TNIP3: variants seen among roughly 807,000 people sequenced by gnomAD.
TNIP3 encodes TNFAIP3 interacting protein 3, also known as TNFAIP3-interacting protein 3.
TNIP3 carries 34 observed loss-of-function variants against 54.1 expected under a neutral mutation model. The observed-to-expected ratio is 0.63, with a 90% CI of 0.48 to 0.84. The LOEUF (loss-of-function observed/expected upper bound fraction) is 0.84, where lower values mean the gene tolerates loss of function less well. TNIP3 is among the 40% of genes least tolerant of loss of function. The pLI, the probability that TNIP3 is intolerant of heterozygous loss-of-function variation, is 0.00. For missense variants in TNIP3, 366 were observed against 387.6 expected, an observed-to-expected ratio of 0.94 and a Z score of 0.47; for synonymous variants, 134 against 136.8, an observed-to-expected ratio of 0.98 and a Z score of 0.14.
In TNIP3 at chr4:121,164,084, T is replaced by C. The variant is rs1280801359; in HGVS notation, c.42A>G (p.Ala14=). Residue 14 remains alanine, a synonymous_variant, in exon 1 of 11, where the codon GCA becomes GCG. Coordinates refer to ENST00000057513, the MANE Select transcript of TNIP3 (RefSeq NM_024873.6). ...FVQGTSRMIA[A]ESSTEHKECA... ...CCTCTTTATGCTCCGTAGAACTTTC[T>C]GCGGCAATCATTCTAGATGTGCCCT... 2 of 1,613,692 alleles carry C rather than the reference T, an allele frequency of 1.2e-6. No homozygotes were observed. The highest frequency in any genetic ancestry group is 8.5e-7 in the Non-Finnish European group (1 of 1,179,768).
At chr4:121,219,698 T>C (rs749325867), upstream of TNIP3, among the ~76,000 whole-genome samples, 1 of 152,180 alleles carries the variant, frequency 6.6e-6, no homozygotes, top group Non-Finnish European at 1.5e-5. Flanking sequence ...AAATGTTATA[T>C]AAAAAATTAC....
chr4:121,159,904 C>A (rs1730344134), intron 2 of TNIP3, among the ~76,000 whole-genome samples: 1 of 152,182 alleles, frequency 6.6e-6, no homozygotes, highest in African/African-American at 2.4e-5. Context: ...GCAAAACTTT[C>A]TCCTAATTAA....
chr4:121,205,063 T>A (rs1726105988), intron 2 of TNIP3, among the ~76,000 whole-genome samples: 1 of 152,238 alleles, frequency 6.6e-6, no homozygotes, highest in South Asian at 2.1e-4. Context: ...TAGTTCTTTG[T>A]CTAGTTAGCA....
chr4:121,225,213 T>G (rs1278045495), intron 1 of TNIP3, among the ~76,000 whole-genome samples: 1 of 152,244 alleles, frequency 6.6e-6, no homozygotes, highest in African/African-American at 2.4e-5. Context: ...ATGTACTAAT[T>G]GCCCCTTGTG....
intron 3 of TNIP3, among the ~76,000 whole-genome samples, chr4:121,171,409 T>C (rs1723933200): frequency 6.6e-6 from 1 of 152,226 alleles, no homozygotes. Context: ...AAAATGTTCA[T>C]GTTCATGGCA....
chr4:121,164,364 T>C, upstream of TNIP3: 2 of 1,265,914 alleles, frequency 1.6e-6, no homozygotes, highest in Non-Finnish European at 2.0e-6. Flanking sequence ...TTTTCTTCTC[T>C]TCCAAATAGG....
At chr4:121,154,453 G>T in intron 5 of TNIP3, 98 bp downstream of exon 5, 1 of 1,444,896 alleles carries the variant, frequency 6.9e-7, no homozygotes, top group South Asian at 1.2e-5. Flanking sequence ...CCAAGGCTGG[G>T]ACCCACACTG....
upstream of TNIP3, among the ~76,000 whole-genome samples, chr4:121,167,842 T>C (rs746871578): frequency 6.6e-6 from 1 of 152,184 alleles, no homozygotes; most frequent in Admixed American, 6.5e-5. Context: ...GCACTAGGAA[T>C]GGACCATATC....
chr4:121,226,876 C>T (rs890832136), intron 1 of TNIP3, among the ~76,000 whole-genome samples: 2 of 152,156 alleles, frequency 1.3e-5, no homozygotes, highest in Non-Finnish European at 2.9e-5. Context: ...GATTCTATAG[C>T]ACCATGAAGA....
chr4:121,156,590 GATA>G (rs1181902803), intron 4 of TNIP3, among the ~76,000 whole-genome samples: 1 of 152,138 alleles, frequency 6.6e-6, no homozygotes, highest in Non-Finnish European at 1.5e-5. Flanking sequence ...TGTTAAATGA[GATA>G]ATGAGGACGA....
upstream of TNIP3, among the ~76,000 whole-genome samples, chr4:121,217,863 C>T (rs1726865162): frequency 6.6e-6 from 1 of 152,170 alleles, no homozygotes; most frequent in African/African-American, 2.4e-5. Flanking sequence ...CGAAATTACA[C>T]ATGGAGTCCT....
intron 9 of TNIP3, among the ~76,000 whole-genome samples, chr4:121,140,640 A>G (rs1416269898): frequency 6.6e-6 from 1 of 152,212 alleles, no homozygotes; most frequent in African/African-American, 2.4e-5. Flanking sequence ...GCCAACTCCT[A>G]TAGGTTAATT....
At chr4:121,227,290 AG>A (rs1296402237) in intron 1 of TNIP3, 45 of 1,101,376 alleles carry the variant, frequency 4.1e-5, no homozygotes, top group Admixed American at 3.7e-4. Context: ...TTTTAATATG[AG>A]AACTTTATGC....
intron 3 of TNIP3, among the ~76,000 whole-genome samples, chr4:121,175,721 C>T (rs1724281862): frequency 3.3e-5 from 5 of 152,172 alleles, no homozygotes; most frequent in Admixed American, 3.3e-4. Flanking sequence ...AGAATGGAGC[C>T]TCAGTTTATA....
intron 3 of TNIP3, among the ~76,000 whole-genome samples, chr4:121,175,240 C>A (rs1724239763): frequency 6.6e-6 from 1 of 152,168 alleles, no homozygotes; most frequent in African/African-American, 2.4e-5. Context: ...TGAAGTCATG[C>A]AAGTCTGGAA....
chr4:121,172,182 A>T (rs948471737), intron 3 of TNIP3, among the ~76,000 whole-genome samples: 1 of 152,274 alleles, frequency 6.6e-6, no homozygotes, highest in Non-Finnish European at 1.5e-5. Context: ...CCACCATGGT[A>T]CACGGCTGTG....
chr4:121,183,792 T>C (rs1449459760), intron 2 of TNIP3, among the ~76,000 whole-genome samples: 1 of 151,942 alleles, frequency 6.6e-6, no homozygotes, highest in Non-Finnish European at 1.5e-5. Context: ...ATCTAATGCC[T>C]GATGATCTGT....
chr4:121,168,815 G>A (rs567168799), upstream of TNIP3, among the ~76,000 whole-genome samples: 55 of 152,062 alleles, frequency 3.6e-4, no homozygotes, highest in Non-Finnish European at 7.2e-4. Context: ...TTCAAAATGA[G>A]GACTTTAATA....
At chr4:121,192,880 T>C (rs1200447985) in intron 2 of TNIP3, 1 of 152,228 alleles carries the variant, frequency 6.6e-6, no homozygotes, top group Non-Finnish European at 1.5e-5. Context: ...CCAATTTTAG[T>C]ATATGTGCTG....
Sources: allele counts gnomAD v4.1 joint callset (sites outside exome capture counted in the v4.1 genomes callset), GRCh38; gene constraint gnomAD v4.1.1; transcripts MANE v1.5; gene names NCBI Gene and HGNC (gene_info 2026-07-23, HGNC 2026-07-21).